Variants in USP45 observed in about 807,000 individuals in gnomAD.
USP45 encodes ubiquitin specific peptidase 45, also known as ubiquitin carboxyl-terminal hydrolase 45.
USP45 carries 89 observed loss-of-function variants against 95.8 expected under a neutral mutation model. The observed-to-expected ratio is 0.93, with a 90% CI of 0.78 to 1.11. USP45 has a LOEUF of 1.11. Among genes scored for constraint, USP45 ranks in the 50% least tolerant of loss-of-function variants. The pLI, the probability that USP45 is intolerant of heterozygous loss-of-function variation, is 0.00. For missense variants in USP45, 898 were observed against 942.5 expected, an observed-to-expected ratio of 0.95 and a Z score of 0.62; for synonymous variants, 281 against 316.2, an observed-to-expected ratio of 0.89 and a Z score of 1.18.
At chr6:99,458,341 A>C (rs1247167212) in intron 13 of USP45, among the ~76,000 whole-genome samples, 2 of 152,164 alleles carry the variant, frequency 1.3e-5, no homozygotes, top group Admixed American at 6.6e-5. Context: ...TACGATTGGC[A>C]GCAATCATGA....
intron 11 of USP45, 53 bp from the exon 12 acceptor site, chr6:99,465,189 C>A: frequency 6.8e-7 from 1 of 1,461,822 alleles, no homozygotes; most frequent in Non-Finnish European, 9.3e-7. Flanking sequence ...TATAAACATA[C>A]AGTTTTGTAA....
chr6:99,436,428 C>T (rs12529638), intron 17 of USP45, among the ~76,000 whole-genome samples: 19,810 of 149,996 alleles, frequency 0.13, 1,859 homozygotes, highest in Non-Finnish European at 0.19. Flanking sequence ...TGGTGGCAGG[C>T]GCCTGGAGTC....
intron 9 of USP45, among the ~76,000 whole-genome samples, chr6:99,474,631 G>A (rs1448430958): frequency 1.3e-5 from 2 of 152,168 alleles, no homozygotes; most frequent in Non-Finnish European, 2.9e-5. Flanking sequence ...GCCTTGAATG[G>A]AAAACAGGTT....
chr6:99,464,715 A>G lies in USP45; in HGVS notation c.1197T>C (p.Asn399=), dbSNP rs775280871. The change falls in exon 13 of 18, where the codon AAT becomes AAC. Residue 399 remains asparagine (N), a synonymous_variant. Coordinates refer to ENST00000500704, the MANE Select transcript of USP45 (RefSeq NM_001346022.3). ...CTGTCTCCCGTAAACTTCTATATTT[A>G]TTCATTCTTCCCCAAAGTAAAGGTT... The part of the protein sequence containing the change: ...VSKPLLWGRM[N]KYRSLRETDH... 3.9e-5 allele frequency: 63 copies of G among 1,609,850 alleles called. No homozygotes were observed. In the East Asian group the frequency reaches 1.4e-3, roughly 35 times the overall value.
At chr6:99,478,542 A>C (rs1267837268) in intron 8 of USP45, among the ~76,000 whole-genome samples, 2 of 152,144 alleles carry the variant, frequency 1.3e-5, no homozygotes, top group African/African-American at 4.8e-5. Flanking sequence ...AAGAAAAAGA[A>C]ATTTAATCCA....
intron 9 of USP45, among the ~76,000 whole-genome samples, chr6:99,469,385 G>A (rs1399776408): frequency 6.7e-6 from 1 of 149,986 alleles, no homozygotes; most frequent in African/African-American, 2.4e-5. Flanking sequence ...GATGAATTTT[G>A]TCTTCCTAAT....
Position 99,433,232 on chromosome 6 carries a change from TAATC to T in USP45, c.*2480_*2483del, listed in dbSNP as rs976758269. On this transcript the variant is annotated 3_prime_UTR_variant, in exon 18 of 18. Coordinates refer to ENST00000500704, the MANE Select transcript of USP45 (RefSeq NM_001346022.3). Reference sequence around the variant, plus strand: ...AACATTAAATGACAATATTGGCACATAATCAATATTTTATCATTTTATATTTGGA... The same window carrying T: ...AACATTAAATGACAATATTGGCACATAATATTTTATCATTTTATATTTGGA... 2.2e-4 allele frequency: 33 copies of T among 152,784 alleles called. No individual in the cohort carries two copies. Among genetic ancestry groups the T allele is most frequent in the African/African-American group, 6.5e-4 (27 of 41,584 alleles). The allele number at this position is 152,784 out of a possible 1,614,324, so 9.5% of individuals were successfully genotyped here.
At chr6:99,505,976 C>CATTTATAT (rs1178383861) in intron 4 of USP45, among the ~76,000 whole-genome samples, 7 of 152,284 alleles carry the variant, frequency 4.6e-5, no homozygotes, top group African/African-American at 1.7e-4. Flanking sequence ...TCCAATGCAT[C>CATTTATAT]ATTTATATAT....
chr6:99,482,915 A>G, intron 7 of USP45, 32 bp from the exon 8 acceptor site: 1 of 1,424,402 alleles, frequency 7.0e-7, no homozygotes, highest in Non-Finnish European at 9.2e-7. Context: ...TATGTCAGAA[A>G]TGTACAATTT....
At chr6:99,483,864 G>A (rs1463317376) in intron 7 of USP45, among the ~76,000 whole-genome samples, 88 of 105,984 alleles carry the variant, frequency 8.3e-4, no homozygotes, top group South Asian at 1.0e-3. Context: ...AAAAAAAAAA[G>A]AATGTTATCT....
chr6:99,500,949 A>C (rs1338638565), intron 5 of USP45, among the ~76,000 whole-genome samples: 1 of 152,194 alleles, frequency 6.6e-6, no homozygotes, highest in Admixed American at 6.5e-5. Flanking sequence ...ACAGCTGTAC[A>C]CTGGGCTATA....
At chr6:99,477,869 A>T (rs1341543915) in intron 8 of USP45, among the ~76,000 whole-genome samples, 1 of 152,184 alleles carries the variant, frequency 6.6e-6, no homozygotes, top group Non-Finnish European at 1.5e-5. Flanking sequence ...TGAGGACAGA[A>T]ACCAAGATGG....
chr6:99,495,545 T>C (rs1796112031), intron 5 of USP45, among the ~76,000 whole-genome samples: 1 of 152,232 alleles, frequency 6.6e-6, no homozygotes, highest in South Asian at 2.1e-4. Flanking sequence ...AACTGAGGTA[T>C]ACTGCTGGTT....
rs771933793 is a variant in USP45, at chr6:99,488,317, GT to G, written c.619-23del. ...AGTTCTAAAAGAAAACAAAATTAAAGTCTTCAGATTCAGTTAAAATATGCCT... is the reference window on the plus strand; with the variant it reads ...AGTTCTAAAAGAAAACAAAATTAAAGCTTCAGATTCAGTTAAAATATGCCT... On this transcript the variant is annotated intron_variant, in intron 6 of 17. Transcript: ENST00000500704. The G allele has an allele frequency of 2.8e-4, 429 of 1,507,382 alleles. 1 individual carries two copies. In the Middle Eastern group the frequency reaches 4.2e-3, roughly 15 times the overall value. The allele number at this position is 1,507,382 out of a possible 1,614,324, so 93.4% of individuals were successfully genotyped here.
chr6:99,494,884 A>G (rs1795971339), intron 5 of USP45, among the ~76,000 whole-genome samples: 1 of 152,150 alleles, frequency 6.6e-6, no homozygotes. Flanking sequence ...ACAGAGTGAG[A>G]CTGTTTCAAA....
chr6:99,466,717 A>G lies in USP45; in HGVS notation c.1062T>C (p.Phe354=), dbSNP rs1470852810. The change falls in exon 11 of 18, where the codon TTT becomes TTC. Residue 354 remains phenylalanine (F), a synonymous_variant. Coordinates refer to ENST00000500704, the MANE Select transcript of USP45 (RefSeq NM_001346022.3). ...TGACCGTGCTAGTTAATTCACCAAT[A>G]AAGATCCGATCTATGAAGTTCATTT... is the stretch of plus-strand genomic sequence containing the variant. ...GVKMNFIDRI[F]IGELTSTVMC... 2 of 1,613,474 alleles carry G rather than the reference A, an allele frequency of 1.2e-6. No homozygotes were observed. The highest frequency in any genetic ancestry group is 2.2e-5 in the East Asian group (1 of 44,758).
intron 9 of USP45, among the ~76,000 whole-genome samples, chr6:99,469,580 A>C (rs1788883189): frequency 6.7e-6 from 1 of 149,902 alleles, no homozygotes; most frequent in African/African-American, 2.5e-5. Flanking sequence ...TCTGGGTTCA[A>C]GTGATCCTAC....
Position 99,437,398 on chromosome 6 carries a change from T to C in USP45, c.2162A>G (p.Asn721Ser). The C allele has an allele frequency of 6.3e-7, 1 of 1,584,886 alleles. No homozygotes were observed. The highest frequency in any genetic ancestry group is 8.5e-7 in the Non-Finnish European group (1 of 1,172,410). Reference sequence around the variant, plus strand: ...GAGAACTTTATCTCCCACACTTGCATTCTTTTAAACAAAGAAAAAAACCCA... The same window carrying C: ...GAGAACTTTATCTCCCACACTTGCACTCTTTTAAACAAAGAAAAAAACCCA... ...LAPFCSATCK[N>S]ASVGDKVLYG... is the part of the protein sequence containing the mutation. The change falls in exon 17 of 18, where the codon AAT becomes AGT. Residue 721 changes from asparagine to serine, a missense_variant and splice_region_variant. Physicochemically the swap from Asn to Ser is conservative, Grantham distance 46. Transcript: ENST00000500704.
At chr6:99,484,856 A>AT (rs57734687) in intron 7 of USP45, among the ~76,000 whole-genome samples, 3 of 151,032 alleles carry the variant, frequency 2.0e-5, no homozygotes, top group African/African-American at 4.9e-5. Flanking sequence ...AATAAAGTCT[A>AT]TTTTTTTTTA....
Sources: allele counts gnomAD v4.1 joint callset (sites outside exome capture counted in the v4.1 genomes callset), GRCh38; gene constraint gnomAD v4.1.1; transcripts MANE v1.5; gene names NCBI Gene and HGNC (gene_info 2026-07-23, HGNC 2026-07-21).